PRDM16: variants seen among roughly 807,000 people sequenced by gnomAD.
The protein encoded by PRDM16 is PR/SET domain 16, also known as histone-lysine N-methyltransferase PRDM16.
A neutral mutation model predicts 110.6 loss-of-function variants in PRDM16; 23 were observed. The observed-to-expected ratio is 0.21, with a 90% CI of 0.15 to 0.29. The LOEUF (loss-of-function observed/expected upper bound fraction) is 0.29. Ranked by LOEUF, PRDM16 falls within the 10% of genes least tolerant of loss-of-function variation. The pLI is 1.00. For missense variants in PRDM16, 1,615 were observed against 1,794.3 expected (o/e 0.90, Z 1.81); for synonymous variants, 799 against 781.8 (o/e 1.02, Z -0.37).
At chr1:3,281,473 A>C (rs546407201) in intron 3 of PRDM16, among the ~76,000 whole-genome samples, 1 of 152,366 alleles carries the variant, frequency 6.6e-6, no homozygotes, top group South Asian at 2.1e-4. Context: ...CTTGAAACTT[A>C]TCAGTCATTC....
At chr1:3,171,935 G>C (rs1012090228) in intron 1 of PRDM16, among the ~76,000 whole-genome samples, 1 of 152,122 alleles carries the variant, frequency 6.6e-6, no homozygotes, top group Non-Finnish European at 1.5e-5. Flanking sequence ...CAAGCCCCCC[G>C]GCCTCCGCGC....
At position 3,157,356 on chromosome 1, in the gene PRDM16, T is replaced by A. The variant is rs1292191599; in HGVS notation, c.38-28769T>A. 6.6e-6 allele frequency among the ~76,000 whole-genome samples: 1 copy of A among 151,194 alleles called. No homozygotes were observed. The highest frequency in any genetic ancestry group is 2.0e-4 in the East Asian group (1 of 5,112). ...TGTTTACCGCATTTATTCTATTGAT[T>A]GACTGAATTTACAGCATTTGATCTG... On this transcript the variant is annotated intron_variant, in intron 1 of 16. Coordinates refer to ENST00000270722, the MANE Select transcript of PRDM16 (RefSeq NM_022114.4). This position sits in a 1 kb window ranked among gnomAD's most constrained non-coding sequence, Gnocchi z 4.8.
At position 3,137,577 on chromosome 1, in the gene PRDM16, G is replaced by A. The variant is rs114221597; in HGVS notation, c.38-48548G>A. Reference sequence around the variant, plus strand: ...TCCCGAAGAACCGTCCAGGAGGACCGCCTGGAGGAGGTGGCTTTGTGTGGA... The same window carrying A: ...TCCCGAAGAACCGTCCAGGAGGACCACCTGGAGGAGGTGGCTTTGTGTGGA... On this transcript the variant is annotated intron_variant, in intron 1 of 16. Transcript: ENST00000270722. 8.2e-3 allele frequency among the ~76,000 whole-genome samples: 1,249 copies of A among 152,340 alleles called. 17 individuals are homozygous for A. Among genetic ancestry groups the A allele is most frequent in the African/African-American group, 0.028 (1,153 of 41,578 alleles).
chr1:3,105,380 G>A (rs1319107176), intron 1 of PRDM16, among the ~76,000 whole-genome samples: 2 of 152,204 alleles, frequency 1.3e-5, no homozygotes, highest in Non-Finnish European at 2.9e-5. Context: ...GATGGAAGGC[G>A]CTGTGCATGG....
At position 3,190,743 on chromosome 1, in the gene PRDM16, G is replaced by A. The variant is rs558765387; in HGVS notation, c.387+4269G>A. The stretch of plus-strand genomic sequence containing the variant: ...GTCGCCGCCGAAGCCCACCTGCCTG[G>A]AGGAAATCACCCGTGAGCGCATTTG... On this transcript the variant is annotated intron_variant, in intron 2 of 16. Coordinates refer to ENST00000270722, the MANE Select transcript of PRDM16 (RefSeq NM_022114.4). The surrounding 1 kb of genome is among the most constrained non-coding windows in gnomAD (Gnocchi z 5.0). 1.3e-5 allele frequency among the ~76,000 whole-genome samples: 2 copies of A among 152,350 alleles called. No homozygotes were observed. The highest frequency in any genetic ancestry group is 2.9e-5 in the Non-Finnish European group (2 of 68,034).
At chr1:3,150,637 C>T (rs368151425) in intron 1 of PRDM16, among the ~76,000 whole-genome samples, 1 of 152,104 alleles carries the variant, frequency 6.6e-6, no homozygotes, top group Non-Finnish European at 1.5e-5. Context: ...GACACAGTGC[C>T]ACCCACTGCG....
chr1:3,349,094 A>T (rs1418108129), intron 3 of PRDM16, among the ~76,000 whole-genome samples: 1 of 152,220 alleles, frequency 6.6e-6, no homozygotes, highest in Non-Finnish European at 1.5e-5. Context: ...CGATTATTGA[A>T]TTTGAAAAGC....
Position 3,411,812 on chromosome 1 carries a change from C to T in PRDM16, c.1615C>T (p.Leu539=). Residue 539 remains leucine, a synonymous_variant, in exon 9 of 17, where the codon CTG becomes TTG. Transcript: ENST00000270722. ...TCCCACATCGCTGCTCAAGAGCCCC[C>T]TGAACCACACCCAGGACGCCAAGCT... The part of the protein sequence containing the change: ...LPPTSLLKSP[L]NHTQDAKLPS... 1 of 1,611,660 alleles carries T rather than the reference C, an allele frequency of 6.2e-7. No individual in the cohort carries two copies. Among genetic ancestry groups the T allele is most frequent in the Non-Finnish European group, 8.5e-7 (1 of 1,179,216 alleles).
intron 1 of PRDM16, among the ~76,000 whole-genome samples, chr1:3,152,737 G>A (rs1643799594): frequency 6.6e-6 from 1 of 152,216 alleles, no homozygotes; most frequent in Non-Finnish European, 1.5e-5. Context: ...AGGTCCCCTG[G>A]GGAGGGCTGC....
At chr1:3,298,153 G>C (rs891580174) in intron 3 of PRDM16, among the ~76,000 whole-genome samples, 5 of 152,272 alleles carry the variant, frequency 3.3e-5, no homozygotes, top group Non-Finnish European at 7.3e-5. Context: ...ATACGTGTAA[G>C]TGACAGCATC....
At chr1:3,396,064 A>C (rs555737920) in intron 4 of PRDM16, among the ~76,000 whole-genome samples, 1 of 152,208 alleles carries the variant, frequency 6.6e-6, no homozygotes, top group Non-Finnish European at 1.5e-5. Flanking sequence ...TTCAGAAACA[A>C]CCAGATTCAC....
chr1:3,394,539 G>A (rs1392218761), intron 4 of PRDM16: 1 of 419,014 alleles, frequency 2.4e-6, no homozygotes, highest in Admixed American at 2.5e-5. Flanking sequence ...CCAAGGGGCG[G>A]GCGGCCAGGG....
intron 3 of PRDM16, among the ~76,000 whole-genome samples, chr1:3,248,320 G>C (rs1415131591): frequency 1.3e-5 from 2 of 152,116 alleles, no homozygotes; most frequent in Non-Finnish European, 2.9e-5. Flanking sequence ...CCACTTTATC[G>C]TGTTTTCCTT....
At chr1:3,191,445 G>A (rs1011922443) in intron 2 of PRDM16, among the ~76,000 whole-genome samples, 1 of 152,198 alleles carries the variant, frequency 6.6e-6, no homozygotes, top group Non-Finnish European at 1.5e-5. Flanking sequence ...CTTTGGCAGG[G>A]CCAGGACCTG....
At chr1:3,114,273 C>T (rs536726176) in intron 1 of PRDM16, among the ~76,000 whole-genome samples, 2 of 146,658 alleles carry the variant, frequency 1.4e-5, no homozygotes, top group East Asian at 4.2e-4. Flanking sequence ...CACGTACACA[C>T]ACGCACACAC....
At chr1:3,194,517 G>C (rs1485848928) in intron 2 of PRDM16, among the ~76,000 whole-genome samples, 1 of 151,996 alleles carries the variant, frequency 6.6e-6, no homozygotes, top group African/African-American at 2.4e-5. Context: ...CAGGGAGGGA[G>C]GCTGGGGCAG....
intron 1 of PRDM16, among the ~76,000 whole-genome samples, chr1:3,102,544 A>G (rs368884983): frequency 3.9e-5 from 6 of 152,182 alleles, no homozygotes; most frequent in Admixed American, 3.9e-4. Context: ...CTGGATCTGA[A>G]GTGTCCTGCA....
At chr1:3,179,627 C>T (rs576855833) in intron 1 of PRDM16, among the ~76,000 whole-genome samples, 24 of 152,356 alleles carry the variant, frequency 1.6e-4, no homozygotes, top group African/African-American at 5.3e-4. Flanking sequence ...AGTGCCCACC[C>T]GGCTGCCAAC....
At chr1:3,364,374 G>A (rs772452798) in intron 3 of PRDM16, among the ~76,000 whole-genome samples, 3 of 152,154 alleles carry the variant, frequency 2.0e-5, no homozygotes, top group Non-Finnish European at 4.4e-5. Context: ...CCTTGACCTG[G>A]TAATTTACAA....
Sources: gnomAD v4.1 joint callset for allele counts (sites outside exome capture counted in the v4.1 genomes callset) on GRCh38, gnomAD v4.1.1 for gene constraint, Gnocchi (gnomAD v3.1) non-coding constraint, MANE v1.5 for transcripts, NCBI Gene and HGNC (gene_info 2026-07-23, HGNC 2026-07-21) for gene names.